WDSUB1: variants seen among roughly 807,000 people sequenced by gnomAD.
The protein encoded by WDSUB1 is WD repeat, SAM and U-box domain-containing protein 1.
Under a neutral mutation model 53.9 loss-of-function variants are expected in WDSUB1, and 49 were observed. The observed-to-expected ratio is 0.91, with a 90% confidence interval of 0.72 to 1.15. The LOEUF (loss-of-function observed/expected upper bound fraction) is 1.15, where lower values mean the gene tolerates loss of function less well. Among genes scored for constraint, WDSUB1 ranks in the 50% most tolerant of loss-of-function variants. The probability of loss-of-function intolerance (pLI) is 0.00; values close to 1 mark genes in which losing one functional copy is unlikely to be tolerated. For synonymous variants in WDSUB1, 194 were observed against 200.6 expected, an observed-to-expected ratio of 0.97 and a Z score of 0.28; for missense variants, 514 against 562.0, an observed-to-expected ratio of 0.91 and a Z score of 0.86.
chr2:159,282,596 A>G (rs2061689289), intron 2 of WDSUB1, 76 bp downstream of exon 2: 13 of 1,507,490 alleles, frequency 8.6e-6, no homozygotes, highest in Non-Finnish European at 1.2e-5. Context: ...CAGAGTATCA[A>G]AATATTTTGC....
chr2:159,247,886 A>AT (rs2060836594), intron 10 of WDSUB1, among the ~76,000 whole-genome samples: 1 of 63,800 alleles, frequency 1.6e-5, no homozygotes, highest in African/African-American at 5.4e-5. Flanking sequence ...AAATTAAATA[A>AT]ATATATATAT....
chr2:159,282,328 G>C (rs1042004693), intron 2 of WDSUB1, among the ~76,000 whole-genome samples: 1 of 152,090 alleles, frequency 6.6e-6, no homozygotes, highest in African/African-American at 2.4e-5. Context: ...AAGTAGCTGG[G>C]ACTACAGGCG....
intron 9 of WDSUB1, among the ~76,000 whole-genome samples, chr2:159,251,435 T>C (rs150141881): frequency 2.6e-4 from 40 of 152,276 alleles, no homozygotes; most frequent in African/African-American, 8.7e-4. Context: ...AAGGTTAAAT[T>C]GGGCATTATC....
intron 5 of WDSUB1, 67 bp downstream of exon 5, chr2:159,271,635 T>C: frequency 1.5e-6 from 2 of 1,329,286 alleles, no homozygotes; most frequent in South Asian, 2.4e-5. Flanking sequence ...AGGTTTCATG[T>C]ACTTTTCCGT....
Position 159,285,730 on chromosome 2 carries a change from AAGGAG to A in WDSUB1, c.-25+848_-25+852del, listed in dbSNP as rs762379567. Among the ~76,000 whole-genome samples, 16 of 152,270 alleles carry A rather than the reference AAGGAG, an allele frequency of 1.1e-4. No individual in the cohort carries two copies. In the South Asian group the frequency reaches 1.9e-3, roughly 18 times the overall value. Reference sequence around the variant, plus strand: ...ATCAATCAAACAAATATTAAGGCATAAGGAGCATGCCTTTCCCTATCTTCATCTTA... The same window carrying A: ...ATCAATCAAACAAATATTAAGGCATACATGCCTTTCCCTATCTTCATCTTA... On this transcript the variant is annotated intron_variant, in intron 1 of 10. Coordinates refer to ENST00000359774, the MANE Select transcript of WDSUB1 (RefSeq NM_001128212.3).
chr2:159,269,986 C>G (rs2061416755), intron 5 of WDSUB1, among the ~76,000 whole-genome samples: 1 of 152,094 alleles, frequency 6.6e-6, no homozygotes, highest in African/African-American at 2.4e-5. Context: ...CTGGTAGTAT[C>G]AACAGTTCAG....
intron 5 of WDSUB1, among the ~76,000 whole-genome samples, chr2:159,268,067 T>C (rs2061379075): frequency 6.6e-6 from 1 of 152,222 alleles, no homozygotes; most frequent in Admixed American, 6.5e-5. Flanking sequence ...ATATACAAAC[T>C]GGCAAAGAAT....
chr2:159,248,280 T>C, intron 10 of WDSUB1, 92 bp downstream of exon 10: 1 of 1,466,748 alleles, frequency 6.8e-7, no homozygotes, highest in Admixed American at 2.3e-5. Flanking sequence ...CTTAAAATTC[T>C]TCACATTTAA....
intron 9 of WDSUB1, among the ~76,000 whole-genome samples, chr2:159,255,001 G>A (rs892517822): frequency 4.6e-5 from 7 of 152,086 alleles, no homozygotes; most frequent in Non-Finnish European, 1.0e-4. Flanking sequence ...GTGGTAGCAT[G>A]TGCATGTGGT....
At chr2:159,281,897 A>G (rs1024154922) in intron 2 of WDSUB1, among the ~76,000 whole-genome samples, 1 of 152,108 alleles carries the variant, frequency 6.6e-6, no homozygotes, top group Non-Finnish European at 1.5e-5. Context: ...GAATCGCTTG[A>G]ACCTGGGAGG....
intron 3 of WDSUB1, among the ~76,000 whole-genome samples, chr2:159,279,148 C>T (rs2061601302): frequency 6.6e-6 from 1 of 152,136 alleles, no homozygotes; most frequent in South Asian, 2.1e-4. Flanking sequence ...GGTCTGGTAA[C>T]AAGACTGCAG....
intron 9 of WDSUB1, among the ~76,000 whole-genome samples, chr2:159,250,088 C>CAAAAAAAAAAAAAAAAAAAAAAAACAAA (rs374038625): frequency 1.2e-5 from 1 of 83,528 alleles, no homozygotes; most frequent in African/African-American, 3.6e-5. Context: ...GACTCTGCCT[C>CAAAAAAAAAAAAAAAAAAAAAAAACAAA]AAAAAAAAAA....
chr2:159,250,379 A>G (rs1279807214), intron 9 of WDSUB1, among the ~76,000 whole-genome samples: 3 of 152,344 alleles, frequency 2.0e-5, no homozygotes, highest in African/African-American at 7.2e-5. Context: ...TTTTGCAAAA[A>G]TATTTATAAC....
rs116240492 is a variant in WDSUB1 at position 159,267,730 on chromosome 2, C to T, written c.770+3972G>A. Among the ~76,000 whole-genome samples the T allele has an allele frequency of 4.3e-3, 654 of 152,202 alleles. 5 individuals are homozygous for T. The highest frequency in any genetic ancestry group is 6.6e-3 in the Non-Finnish European group (450 of 68,020). ...TTTTTTAGTCTCCCTCTTTCCCATA[C>T]GTATTCATTCTATCTTATCATTGAC... On this transcript the variant is annotated intron_variant, in intron 5 of 10. Transcript: ENST00000359774.
intron 10 of WDSUB1, among the ~76,000 whole-genome samples, chr2:159,242,049 A>T (rs1259029831): frequency 2.1e-5 from 3 of 144,098 alleles, no homozygotes; most frequent in African/African-American, 5.5e-5. Flanking sequence ...AAACAAAAGC[A>T]ACTTTTATTT....
chr2:159,282,683 G>A lies in WDSUB1; in HGVS notation c.387C>T (p.Tyr129=). 2 of 1,610,752 alleles carry A rather than the reference G, an allele frequency of 1.2e-6. No homozygotes were observed. Residue 129 remains tyrosine (Y), a synonymous_variant, in exon 2 of 11, where the codon TAC becomes TAT. Transcript: ENST00000359774. ...GTVVLWNAQS[Y]KLYRCGSVKD... is the part of the protein sequence containing the mutation. The stretch of plus-strand genomic sequence containing the variant: ...TTAAATATCCATACCTATATAATTT[G>A]TATGACTGTGCATTCCACAAAACCA...
At chr2:159,261,882 ATATATATATATATATTTTTTTTTTTTT>A (rs1312434733) in intron 5 of WDSUB1, among the ~76,000 whole-genome samples, 14 of 19,862 alleles carry the variant, frequency 7.0e-4, no homozygotes, top group Non-Finnish European at 9.1e-4. Flanking sequence ...ATATATATAT[ATATATATATATATATTTTTTTTTTTTT>A]TTTTTTTTTT....
intron 5 of WDSUB1, among the ~76,000 whole-genome samples, chr2:159,265,293 C>CCA (rs75210001): frequency 0.27 from 40,239 of 149,288 alleles, 6,150 homozygotes; most frequent in Non-Finnish European, 0.37. Context: ...AGCACACACA[C>CCA]CACACACACA....
At chr2:159,247,886 A>AATATATAT (rs373694392) in intron 10 of WDSUB1, among the ~76,000 whole-genome samples, 2 of 63,824 alleles carry the variant, frequency 3.1e-5, no homozygotes, top group Non-Finnish European at 6.3e-5. Context: ...AAATTAAATA[A>AATATATAT]ATATATATAT....
Sources: allele counts gnomAD v4.1 joint callset (sites outside exome capture counted in the v4.1 genomes callset), GRCh38; gene constraint gnomAD v4.1.1; transcripts MANE v1.5; gene names NCBI Gene and HGNC (gene_info 2026-07-23, HGNC 2026-07-21).